The following PCNX2 variants were observed in gnomAD, a reference collection of about 807,000 sequenced individuals.
The protein encoded by PCNX2 is pecanex-like protein 2.
Under a neutral mutation model 223.8 loss-of-function variants are expected in PCNX2, and 168 were observed. The observed-to-expected ratio is 0.75, with a 90% CI of 0.66 to 0.85. PCNX2 has a LOEUF of 0.85. PCNX2 is among the 40% of genes least tolerant of loss of function. PCNX2 has a pLI of 0.00. For synonymous variants in PCNX2, 1,006 were observed against 1,052.6 expected (o/e 0.96, Z 0.86); for missense variants, 2,507 against 2,675.5 (o/e 0.94, Z 1.39).
intron 21 of PCNX2, among the ~76,000 whole-genome samples, chr1:233,122,122 A>G (rs979078827): frequency 1.5e-4 from 23 of 152,158 alleles, no homozygotes; most frequent in Admixed American, 9.2e-4. Flanking sequence ...GGAGAGAGAG[A>G]GAGAGAGACA....
At chr1:233,016,692 C>G in intron 27 of PCNX2, 1 of 829,448 alleles carries the variant, frequency 1.2e-6, no homozygotes. Context: ...TGGCCCTGAG[C>G]ACTGCATAAA....
intron 21 of PCNX2, among the ~76,000 whole-genome samples, chr1:233,102,315 G>A (rs970520805): frequency 6.6e-6 from 1 of 152,108 alleles, no homozygotes; most frequent in Non-Finnish European, 1.5e-5. Context: ...TATTTTGGCT[G>A]TTGTGAATAG....
chr1:233,155,864 T>C (rs1282181139), intron 19 of PCNX2, among the ~76,000 whole-genome samples: 1 of 152,256 alleles, frequency 6.6e-6, no homozygotes, highest in Non-Finnish European at 1.5e-5. Context: ...TCTAAAAATA[T>C]GAGTACTCCT....
chr1:233,095,870 G>A lies in PCNX2; in HGVS notation c.3838-7C>T, dbSNP rs1473843523. The A allele has an allele frequency of 1.1e-5, 17 of 1,584,708 alleles. No homozygotes were observed. Among genetic ancestry groups the A allele is most frequent in the Admixed American group, 7.1e-5 (4 of 56,702 alleles). On this transcript the variant is annotated splice_polypyrimidine_tract_variant and splice_region_variant and intron_variant, in intron 21 of 33. Transcript: ENST00000258229. ...TGTGAAGCAGGTCCCCGAGCTGAAA[G>A]TAAAAGAAAAAAAATTCATCAGAGA...
chr1:233,145,393 G>A (rs1255917172), intron 19 of PCNX2, among the ~76,000 whole-genome samples: 3 of 152,160 alleles, frequency 2.0e-5, no homozygotes, highest in Non-Finnish European at 4.4e-5. Context: ...TATTGTGTAA[G>A]ACAGGGGCCA....
chr1:233,112,561 A>C (rs1675172698), intron 21 of PCNX2, among the ~76,000 whole-genome samples: 1 of 152,200 alleles, frequency 6.6e-6, no homozygotes, highest in South Asian at 2.1e-4. Flanking sequence ...TCTATTAATG[A>C]AGGCACATCA....
chr1:233,169,220 C>T (rs1422151996), intron 17 of PCNX2, among the ~76,000 whole-genome samples: 2 of 152,006 alleles, frequency 1.3e-5, no homozygotes, highest in African/African-American at 4.8e-5. Flanking sequence ...GTTCTTAAAT[C>T]TAACTCGGGG....
chr1:233,115,280 T>G lies in PCNX2; in HGVS notation c.3838-19417A>C, dbSNP rs140333340. ...CAGATTTAATTGGAAGATAATAGAA[T>G]GCTCCCCCTACCCCACACCTTACCA... On this transcript the variant is annotated intron_variant, in intron 21 of 33. Transcript: ENST00000258229. Among the ~76,000 whole-genome samples the G allele has an allele frequency of 1.7e-3, 256 of 151,804 alleles. 2 individuals are homozygous for G. The highest frequency in any genetic ancestry group is 6.9e-3 in the Middle Eastern group (2 of 290).
intron 19 of PCNX2, among the ~76,000 whole-genome samples, chr1:233,152,880 G>A (rs746177939): frequency 1.1e-4 from 16 of 152,114 alleles, no homozygotes; most frequent in Admixed American, 3.3e-4. Context: ...TTTCTTCTTC[G>A]ATTGATTTTA....
intron 21 of PCNX2, among the ~76,000 whole-genome samples, chr1:233,109,676 C>G (rs1675000205): frequency 6.6e-6 from 1 of 152,134 alleles, no homozygotes; most frequent in Non-Finnish European, 1.5e-5. Context: ...TACTGAGTAT[C>G]CAAAACCTTC....
At chr1:233,267,370 T>C (rs970401183) in intron 1 of PCNX2, among the ~76,000 whole-genome samples, 4 of 152,086 alleles carry the variant, frequency 2.6e-5, no homozygotes, top group African/African-American at 4.8e-5. Flanking sequence ...GTAAAATATA[T>C]ATAATACAAA....
chr1:233,247,788 G>A (rs1659211949), intron 8 of PCNX2, among the ~76,000 whole-genome samples: 1 of 148,484 alleles, frequency 6.7e-6, no homozygotes, highest in Non-Finnish European at 1.5e-5. Flanking sequence ...TGAGGCAGGA[G>A]AATCACTTGA....
At chr1:233,261,426 G>T in intron 3 of PCNX2, 105 bp from the exon 4 acceptor site, 1 of 1,009,390 alleles carries the variant, frequency 9.9e-7, no homozygotes, top group Non-Finnish European at 1.6e-6. Flanking sequence ...TAAATGGCAT[G>T]TAGGGGAGAG....
intron 25 of PCNX2, among the ~76,000 whole-genome samples, chr1:233,046,330 ACT>A (rs1361633597): frequency 6.6e-6 from 1 of 152,166 alleles, no homozygotes. Flanking sequence ...TGAAAAGAAA[ACT>A]CTAAAAAATA....
At chr1:233,185,085 ACACACAC>A in intron 15 of PCNX2, among the ~76,000 whole-genome samples, 1 of 1,308 alleles carries the variant, frequency 7.6e-4, no homozygotes, top group East Asian at 0.25. Flanking sequence ...ACATACATAA[ACACACAC>A]ACACACACAC....
chr1:233,327,078 C>G, the PCNX2 span, among the ~76,000 whole-genome samples: 1 of 152,134 alleles, frequency 6.6e-6, no homozygotes, highest in Non-Finnish European at 1.5e-5. Flanking sequence ...AGGTCTGGCA[C>G]CGCGCTACAA....
intron 30 of PCNX2, chr1:232,999,652 C>T: frequency 2.8e-6 from 1 of 355,724 alleles, no homozygotes; most frequent in South Asian, 3.0e-5. Flanking sequence ...CGGGGTTTCT[C>T]CGTGTTGGTC....
At chr1:233,245,483 G>A (rs576395842) in intron 8 of PCNX2, among the ~76,000 whole-genome samples, 40 of 152,346 alleles carry the variant, frequency 2.6e-4, no homozygotes, top group African/African-American at 8.7e-4. Context: ...TCTGGATGCC[G>A]CACATGTGTG....
At chr1:233,025,991 C>G (rs56069934) in intron 25 of PCNX2, among the ~76,000 whole-genome samples, 14,718 of 152,202 alleles carry the variant, frequency 0.097, 786 homozygotes, top group East Asian at 0.22. Context: ...ACTTTACTCA[C>G]CAAATATTGA....
Sources: gnomAD v4.1 joint callset for allele counts (sites outside exome capture counted in the v4.1 genomes callset) on GRCh38, gnomAD v4.1.1 for gene constraint, MANE v1.5 for transcripts, NCBI Gene and HGNC (gene_info 2026-07-23, HGNC 2026-07-21) for gene names.